DPYSL4: variants seen among roughly 807,000 people sequenced by gnomAD.
DPYSL4 encodes the protein dihydropyrimidinase like 4.
Under a neutral mutation model 63.4 loss-of-function variants are expected in DPYSL4, and 43 were observed. The observed-to-expected ratio is 0.68, with a 90% CI of 0.53 to 0.88. The LOEUF (loss-of-function observed/expected upper bound fraction) is 0.88. Ranked by LOEUF, DPYSL4 falls within the 40% of genes least tolerant of loss-of-function variation. The pLI is 0.00. For missense variants in DPYSL4, 733 were observed against 819.5 expected (o/e 0.89, Z 1.29); for synonymous variants, 353 against 331.7 (o/e 1.06, Z -0.70).
rs1173821401 is a variant in DPYSL4, at chr10:132,187,183, C to T, written c.39+81C>T. Reference sequence around the variant, plus strand: ...TGGACGCCGGGCGGACCCTCCTGGTCTTGTGCGTGGGTGGGGGGTCCCTGC... The same window carrying T: ...TGGACGCCGGGCGGACCCTCCTGGTTTTGTGCGTGGGTGGGGGGTCCCTGC... On this transcript the variant is annotated intron_variant, in intron 1 of 13. Coordinates refer to ENST00000338492, the MANE Select transcript of DPYSL4 (RefSeq NM_006426.3). 5.7e-5 allele frequency: 60 copies of T among 1,059,796 alleles called. No individual in the cohort carries two copies. In the East Asian group the frequency reaches 1.3e-3, roughly 22 times the overall value. The allele number at this position is 1,059,796 out of a possible 1,614,324, so 65.6% of individuals were successfully genotyped here.
At chr10:132,202,495 A>G (rs1263369141) in intron 11 of DPYSL4, 151 bp from the exon 12 acceptor site, 2 of 1,033,112 alleles carry the variant, frequency 1.9e-6, no homozygotes, top group Non-Finnish European at 1.4e-6. Flanking sequence ...CCGAGTTCCA[A>G]CCCCTCAGTT....
chr10:132,195,424 A>C (rs1021515082), intron 4 of DPYSL4, among the ~76,000 whole-genome samples: 8 of 152,322 alleles, frequency 5.3e-5, no homozygotes, highest in African/African-American at 1.7e-4. Flanking sequence ...TTTTCCCCAC[A>C]AAAAACCCTG....
chr10:132,192,444 G>GGCTGGACCCTGCAGTGACCGTCCTGA (rs2061890722), intron 2 of DPYSL4: 1 of 1,238,126 alleles, frequency 8.1e-7, no homozygotes, highest in Non-Finnish European at 1.0e-6. Flanking sequence ...GTCTGCGTGA[G>GGCTGGACCCTGCAGTGACCGTCCTGA]GCTGGACCCT....
chr10:132,200,125 G>A (rs76268207), intron 8 of DPYSL4, among the ~76,000 whole-genome samples: 5,360 of 152,270 alleles, frequency 0.035, 300 homozygotes, highest in African/African-American at 0.12. Context: ...AGGACTTGGC[G>A]TCCGCAGGCC....
At position 132,194,862 on chromosome 10, in the gene DPYSL4, G is replaced by T; in HGVS notation, c.331G>T (p.Asp111Tyr). Reference protein sequence around the residue: ...TTMILDHVFPDTGVSLLAAYE... With the variant: ...TTMILDHVFPYTGVSLLAAYE... Reference sequence around the variant, plus strand: ...CTTCACAGTGGACCACGTCTTCCCCGACACGGGTGTGAGCCTGCTGGCGGC... The same window carrying T: ...CTTCACAGTGGACCACGTCTTCCCCTACACGGGTGTGAGCCTGCTGGCGGC... The change falls in exon 4 of 14, where the codon GAC becomes TAC. Residue 111 changes from aspartate to tyrosine, a missense_variant. Physicochemically the swap from Asp to Tyr is radical, Grantham distance 160. Transcript: ENST00000338492. The T allele has an allele frequency of 6.2e-7, 1 of 1,612,674 alleles. No individual in the cohort carries two copies.
At chr10:132,203,713 C>T in intron 12 of DPYSL4, 49 bp from the exon 13 acceptor site, 1 of 1,469,306 alleles carries the variant, frequency 6.8e-7, no homozygotes. Context: ...CCCACAGCTG[C>T]CCAGGCTCAG....
intron 3 of DPYSL4, among the ~76,000 whole-genome samples, chr10:132,194,204 G>A (rs1455157636): frequency 1.3e-5 from 2 of 152,252 alleles, no homozygotes; most frequent in East Asian, 1.9e-4. Context: ...CCCGAGGGAG[G>A]GCTGTGCTGG....
At chr10:132,203,715 C>T (rs1257391612) in intron 12 of DPYSL4, 47 bp from the exon 13 acceptor site, 3 of 1,473,688 alleles carry the variant, frequency 2.0e-6, no homozygotes, top group African/African-American at 1.4e-5. Flanking sequence ...CACAGCTGCC[C>T]AGGCTCAGCC....
At chr10:132,196,264 C>T (rs2061942847) in intron 4 of DPYSL4, among the ~76,000 whole-genome samples, 1 of 152,190 alleles carries the variant, frequency 6.6e-6, no homozygotes, top group African/African-American at 2.4e-5. Context: ...CTGTGGCTGC[C>T]CAGGAAACAG....
intron 1 of DPYSL4, 63 bp from the exon 2 acceptor site, chr10:132,190,684 G>A: frequency 2.8e-5 from 41 of 1,477,510 alleles, no homozygotes; most frequent in Non-Finnish European, 3.7e-5. Flanking sequence ...GGAAGGAGTT[G>A]CACCAAGAGT....
At chr10:132,189,073 T>A (rs961535544) in intron 1 of DPYSL4, among the ~76,000 whole-genome samples, 14 of 152,236 alleles carry the variant, frequency 9.2e-5, no homozygotes, top group African/African-American at 3.4e-4. Flanking sequence ...GCACTTCAGT[T>A]TAATGCTCTT....
intron 6 of DPYSL4, among the ~76,000 whole-genome samples, chr10:132,197,609 A>C (rs1436599323): frequency 6.6e-6 from 1 of 152,202 alleles, no homozygotes; most frequent in African/African-American, 2.4e-5. Context: ...AGGCACCCAC[A>C]GGTACAGATG....
chr10:132,187,907 C>T (rs980755071), intron 1 of DPYSL4, among the ~76,000 whole-genome samples: 18 of 152,094 alleles, frequency 1.2e-4, no homozygotes, highest in African/African-American at 2.7e-4. Flanking sequence ...AGGACCTGGG[C>T]GGGGGAGTCC....
At chr10:132,199,237 G>T (rs1164576475) in intron 8 of DPYSL4, among the ~76,000 whole-genome samples, 1 of 152,220 alleles carries the variant, frequency 6.6e-6, no homozygotes, top group East Asian at 1.9e-4. Context: ...TCCAGTGGGG[G>T]TGGGTGTGGG....
chr10:132,203,911 G>A lies in DPYSL4; in HGVS notation c.1611G>A (p.Ser537=), dbSNP rs78238627. 1.4e-3 allele frequency: 2,283 copies of A among 1,605,818 alleles called. 18 individuals are homozygous for A. In the African/African-American group the frequency reaches 0.022, roughly 16 times the overall value. The change falls in exon 13 of 14, where the codon TCG becomes TCA. Residue 537 remains serine (S), a synonymous_variant. Coordinates refer to ENST00000338492, the MANE Select transcript of DPYSL4 (RefSeq NM_006426.3). ...SVPPVRNLHQ[S]GFSLSGSQAD... ...CTCCTGTGCGCAACCTACATCAGTC[G>A]GGGTTCAGCCTATCTGGTGAGTTGG... is the stretch of plus-strand genomic sequence containing the variant.
chr10:132,187,291 G>T (rs926413179), intron 1 of DPYSL4, among the ~76,000 whole-genome samples, 189 bp downstream of exon 1: 2 of 151,234 alleles, frequency 1.3e-5, no homozygotes, highest in Non-Finnish European at 3.0e-5. Context: ...CCCCGCTAGC[G>T]CCGCGCAGAC....
chr10:132,198,772 C>T (rs2061975948), intron 7 of DPYSL4, 79 bp from the exon 8 acceptor site: 1 of 1,568,016 alleles, frequency 6.4e-7, no homozygotes. Flanking sequence ...ATGGGTGACA[C>T]CTGGGCATCC....
At chr10:132,191,257 G>T (rs373023097) in intron 2 of DPYSL4, among the ~76,000 whole-genome samples, 1 of 110,584 alleles carries the variant, frequency 9.0e-6, no homozygotes. Context: ...TTCCCAGCTC[G>T]TGTGTACACG....
chr10:132,202,970 T>C, intron 12 of DPYSL4, 145 bp downstream of exon 12: 1 of 976,158 alleles, frequency 1.0e-6, no homozygotes, highest in Non-Finnish European at 1.4e-6. Context: ...AGGGCCCTGG[T>C]GGGTCTAAGT....
Sources: gnomAD v4.1 joint callset for allele counts (sites outside exome capture counted in the v4.1 genomes callset) on GRCh38, gnomAD v4.1.1 for gene constraint, MANE v1.5 for transcripts, NCBI Gene and HGNC (gene_info 2026-07-23, HGNC 2026-07-21) for gene names.